The following DPH6 variants were observed in gnomAD, a reference collection of about 807,000 sequenced individuals.
DPH6 encodes the protein diphthine--ammonia ligase.
Under a neutral mutation model 38.2 loss-of-function variants are expected in DPH6, and 33 were observed. The observed-to-expected ratio is 0.86, with a 90% CI of 0.65 to 1.15. DPH6 has a LOEUF of 1.15. Ranked by LOEUF, DPH6 falls within the 50% of genes most tolerant of loss-of-function variation. The probability of loss-of-function intolerance (pLI) is 0.00; values close to 1 mark genes in which losing one functional copy is unlikely to be tolerated. For synonymous variants in DPH6, 108 were observed against 103.0 expected (o/e 1.05, Z -0.30); for missense variants, 325 against 320.0 (o/e 1.02, Z -0.12).
intron 3 of DPH6, among the ~76,000 whole-genome samples, chr15:35,341,787 C>T (rs561462438): frequency 9.2e-5 from 14 of 152,316 alleles, no homozygotes; most frequent in South Asian, 8.3e-4. Flanking sequence ...GTTCCAAACA[C>T]GCTTGTAGGA....
intron 6 of DPH6, among the ~76,000 whole-genome samples, chr15:35,393,563 G>C (rs1017456190): frequency 7.2e-5 from 11 of 152,122 alleles, no homozygotes; most frequent in African/African-American, 2.7e-4. Context: ...ACTCAGCAAG[G>C]CCAATTAGTT....
rs543622455 is a variant in DPH6 at position 35,372,348 on chromosome 15, A to G, written c.751-145T>C. ...TTCAGGTAACAGTATTGCTTCTTTG[A>G]GGTGTCATACTGAAGACCAATCAAA... On this transcript the variant is annotated intron_variant, in intron 8 of 8. Coordinates refer to ENST00000256538, the MANE Select transcript of DPH6 (RefSeq NM_080650.4). The G allele has an allele frequency of 1.6e-4, 104 of 656,898 alleles. No homozygotes were observed. In the South Asian group the frequency reaches 2.8e-3, roughly 18 times the overall value. The allele number at this position is 656,898 out of a possible 1,614,324, so 40.7% of individuals were successfully genotyped here.
the DPH6 span, among the ~76,000 whole-genome samples, chr15:35,146,455 A>G: frequency 6.6e-6 from 1 of 152,150 alleles, no homozygotes; most frequent in African/African-American, 2.4e-5. Flanking sequence ...AAATACTAGC[A>G]TAGTCATACA....
chr15:35,326,651 G>T (rs1210298514), downstream of DPH6, among the ~76,000 whole-genome samples: 2 of 152,050 alleles, frequency 1.3e-5, no homozygotes, highest in Non-Finnish European at 1.5e-5. Flanking sequence ...GCCCAGGCTG[G>T]TCTCAAACTC....
chr15:35,205,595 TG>T, the DPH6 span, among the ~76,000 whole-genome samples: 1 of 152,094 alleles, frequency 6.6e-6, no homozygotes, highest in Non-Finnish European at 1.5e-5. Context: ...ATTTGATTAG[TG>T]GGATTACACT....
At chr15:35,316,380 T>C (rs1330612417) in intron 3 of DPH6, among the ~76,000 whole-genome samples, 2 of 152,092 alleles carry the variant, frequency 1.3e-5, no homozygotes, top group Admixed American at 6.6e-5. Flanking sequence ...AAATAGATGA[T>C]AGGATGAATA....
intron 6 of DPH6, among the ~76,000 whole-genome samples, chr15:35,391,143 G>A (rs147289795): frequency 2.2e-4 from 33 of 152,310 alleles, no homozygotes; most frequent in African/African-American, 7.5e-4. Flanking sequence ...AGCAGCGGAG[G>A]CTGCAGAACA....
chr15:35,254,458 C>A (rs2051694142), intron 3 of DPH6, among the ~76,000 whole-genome samples: 1 of 152,158 alleles, frequency 6.6e-6, no homozygotes, highest in Non-Finnish European at 1.5e-5. Context: ...ACTGTACATA[C>A]TCTAAAATAT....
intron 3 of DPH6, among the ~76,000 whole-genome samples, chr15:35,537,808 CTCT>C (rs1306301238): frequency 2.0e-5 from 3 of 152,082 alleles, no homozygotes; most frequent in Admixed American, 6.6e-5. Flanking sequence ...CCTCATATTA[CTCT>C]TCACTATCAA....
chr15:35,286,865 T>G (rs943725705), intron 3 of DPH6, among the ~76,000 whole-genome samples: 2 of 152,214 alleles, frequency 1.3e-5, no homozygotes, highest in African/African-American at 4.8e-5. Flanking sequence ...TATTATGGCT[T>G]TGCTATTTAG....
At chr15:35,324,651 T>C (rs1351580476) in intron 3 of DPH6, among the ~76,000 whole-genome samples, 1 of 152,108 alleles carries the variant, frequency 6.6e-6, no homozygotes, top group Admixed American at 6.6e-5. Context: ...ATAGCAGTAA[T>C]CAGGAATCAA....
intron 3 of DPH6, among the ~76,000 whole-genome samples, chr15:35,352,415 T>C (rs995354401): frequency 2.0e-5 from 3 of 152,218 alleles, no homozygotes; most frequent in African/African-American, 4.8e-5. Flanking sequence ...TATCTCCTAA[T>C]GCTATCCCTC....
intron 6 of DPH6, among the ~76,000 whole-genome samples, chr15:35,394,942 G>A (rs150606700): frequency 1.2e-4 from 19 of 152,250 alleles, no homozygotes; most frequent in South Asian, 2.1e-4. Context: ...TTGACTCTTC[G>A]TAATATCCTG....
chr15:35,162,915 C>G, the DPH6 span, among the ~76,000 whole-genome samples: 2 of 151,754 alleles, frequency 1.3e-5, no homozygotes, highest in Non-Finnish European at 2.9e-5. Flanking sequence ...GTGAGGGAAC[C>G]CCATAAGCAA....
intron 3 of DPH6, chr15:35,237,704 A>G (rs2051564266): frequency 6.2e-7 from 1 of 1,613,708 alleles, no homozygotes; most frequent in African/African-American, 1.3e-5. Context: ...CGAGGTAACC[A>G]ACCTGAACGA....
intron 6 of DPH6, among the ~76,000 whole-genome samples, chr15:35,392,388 C>T: frequency 6.8e-6 from 1 of 146,602 alleles, no homozygotes; most frequent in Non-Finnish European, 1.5e-5. Context: ...TCTCACTTAT[C>T]TGTTAGTCAT....
intron 3 of DPH6, among the ~76,000 whole-genome samples, chr15:35,357,642 C>T (rs1475513914): frequency 6.6e-6 from 1 of 152,184 alleles, no homozygotes; most frequent in Admixed American, 6.5e-5. Context: ...ATATATGATG[C>T]TTAGTTTCAC....
chr15:35,446,956 C>T (rs1739943318), intron 5 of DPH6, among the ~76,000 whole-genome samples: 1 of 151,746 alleles, frequency 6.6e-6, no homozygotes, highest in African/African-American at 2.4e-5. Context: ...GCAACCTCTG[C>T]CTCCTGGGTT....
chr15:35,372,151 CA>C lies in DPH6; in HGVS notation c.802del (p.Ter268GlufsTer20). 6.6e-7 allele frequency: 1 copy of C among 1,510,582 alleles called. No homozygotes were observed. The highest frequency in any genetic ancestry group is 2.2e-4 in the Middle Eastern group (1 of 4,514). 93.6% of individuals were successfully genotyped at this position (1,510,582 alleles called of 1,614,324 possible). A position where few individuals can be genotyped will look rare whatever the true frequency, so the allele number is the denominator to read the frequency against. ...ATGAACAATGTTCCAAAACACTTTT[CA>C]AAAATTATATATATAATTAGATGTT... Reference protein sequence around the residue: ...YRTSNYIYNF* With the variant: ...YRTSNYIYNFX On this transcript the variant is annotated frameshift_variant and stop_lost, in exon 9 of 9. Coordinates refer to ENST00000256538, the MANE Select transcript of DPH6 (RefSeq NM_080650.4). LOFTEE classifies it high-confidence loss of function.
Sources: allele counts gnomAD v4.1 joint callset (sites outside exome capture counted in the v4.1 genomes callset), GRCh38; gene constraint gnomAD v4.1.1; transcripts MANE v1.5; gene names NCBI Gene and HGNC (gene_info 2026-07-23, HGNC 2026-07-21).